The following AKAP6 variants were observed in gnomAD, a reference collection of about 807,000 sequenced individuals.
AKAP6 encodes the protein A-kinase anchor protein 6.
In AKAP6, 58 loss-of-function variants were observed where a neutral mutation model predicts 188.5. The ratio of observed to expected loss-of-function variants is 0.31; its 90% CI spans 0.25 to 0.38. The LOEUF (loss-of-function observed/expected upper bound fraction) is 0.38. Ranked by LOEUF, AKAP6 falls within the 10% of genes least tolerant of loss-of-function variation. AKAP6 has a pLI of 1.00. For synonymous variants in AKAP6, 989 were observed against 998.6 expected, an observed-to-expected ratio of 0.99 and a Z score of 0.18; for missense variants, 2,710 against 2,740.0, an observed-to-expected ratio of 0.99 and a Z score of 0.24.
At chr14:32,420,511 G>T (rs139844678) in intron 1 of AKAP6, among the ~76,000 whole-genome samples, 1 of 152,116 alleles carries the variant, frequency 6.6e-6, no homozygotes, top group African/African-American at 2.4e-5. Flanking sequence ...AGAGGAATAT[G>T]ATTTTTGTTC....
intron 9 of AKAP6, among the ~76,000 whole-genome samples, chr14:32,705,455 T>A (rs1464937602): frequency 2.0e-5 from 3 of 152,174 alleles, no homozygotes; most frequent in Non-Finnish European, 4.4e-5. Context: ...TGTATGTATA[T>A]GTGAGTGTGT....
intron 4 of AKAP6, among the ~76,000 whole-genome samples, chr14:32,549,506 G>C (rs1392535587): frequency 5.3e-5 from 8 of 152,130 alleles, no homozygotes; most frequent in Non-Finnish European, 1.2e-4. Flanking sequence ...TTTGTCATCA[G>C]AGATCAGTGA....
At chr14:32,743,497 G>A (rs1343080596) in intron 11 of AKAP6, among the ~76,000 whole-genome samples, 2 of 151,990 alleles carry the variant, frequency 1.3e-5, no homozygotes, top group Non-Finnish European at 2.9e-5. Flanking sequence ...CTGATGATAT[G>A]ATTTAGTTTC....
chr14:32,569,031 G>A (rs1884338193), intron 4 of AKAP6, among the ~76,000 whole-genome samples: 1 of 152,112 alleles, frequency 6.6e-6, no homozygotes. Flanking sequence ...ATAAGAGTTA[G>A]GAATCTTTCT....
intron 8 of AKAP6, among the ~76,000 whole-genome samples, chr14:32,683,054 C>T (rs185171684): frequency 1.3e-3 from 201 of 150,992 alleles, no homozygotes; most frequent in Middle Eastern, 6.8e-3. Context: ...AGTGCAGTGG[C>T]GTGATCTTGG....
Position 32,830,680 on chromosome 14 carries a change from T to A in AKAP6, c.*875T>A, listed in dbSNP as rs577010844. On this transcript the variant is annotated 3_prime_UTR_variant, in exon 14 of 14. Transcript: ENST00000280979. ...ATATATGTATAACCAAGTACAAACATTGATGTATAATGACAGTATAAAATG... is the reference window on the plus strand; with the variant it reads ...ATATATGTATAACCAAGTACAAACAATGATGTATAATGACAGTATAAAATG... 2 of 152,734 alleles carry A rather than the reference T, an allele frequency of 1.3e-5. No homozygotes were observed. Among genetic ancestry groups the A allele is most frequent in the African/African-American group, 4.8e-5 (2 of 41,574 alleles). 9.5% of individuals were successfully genotyped at this position (152,734 alleles called of 1,614,324 possible).
At chr14:32,787,066 G>T (rs961353467) in intron 12 of AKAP6, among the ~76,000 whole-genome samples, 1 of 152,174 alleles carries the variant, frequency 6.6e-6, no homozygotes, top group Non-Finnish European at 1.5e-5. Context: ...AACACCCAAA[G>T]GATTCAATTG....
At chr14:32,395,279 C>T (rs1221501458) in intron 1 of AKAP6, among the ~76,000 whole-genome samples, 1 of 152,100 alleles carries the variant, frequency 6.6e-6, no homozygotes, top group South Asian at 2.1e-4. Context: ...ACTTAGAGAA[C>T]CTGCTCTGAA....
intron 1 of AKAP6, among the ~76,000 whole-genome samples, chr14:32,332,222 G>T (rs1161294217): frequency 6.6e-6 from 1 of 152,064 alleles, no homozygotes; most frequent in Non-Finnish European, 1.5e-5. Context: ...TGGCTATGCA[G>T]CACACATGCT....
chr14:32,430,335 C>A (rs1890174367), intron 1 of AKAP6, among the ~76,000 whole-genome samples: 1 of 152,068 alleles, frequency 6.6e-6, no homozygotes, highest in South Asian at 2.1e-4. Flanking sequence ...GGATTTTGCC[C>A]CAAATCATAT....
intron 2 of AKAP6, among the ~76,000 whole-genome samples, chr14:32,480,227 G>A (rs1261900825): frequency 6.6e-6 from 1 of 152,158 alleles, no homozygotes; most frequent in Non-Finnish European, 1.5e-5. Context: ...AGAAGAAGCA[G>A]TTGAACAGTT....
At position 32,545,880 on chromosome 14, in the gene AKAP6, T is replaced by C; in HGVS notation, c.1227T>C (p.Gly409=). ...TTAAGAATGATCTGAAAGGCAATGG[T>C]GGAAAGAGGCAAATGGTTGATCTAA... ...ETFKNDLKGN[G]GKRQMVDLKP... is the part of the protein sequence containing the mutation. The change falls in exon 4 of 14, where the codon GGT becomes GGC. Residue 409 remains glycine (G), a synonymous_variant. Coordinates refer to ENST00000280979, the MANE Select transcript of AKAP6 (RefSeq NM_004274.5). 1 of 1,614,168 alleles carries C rather than the reference T, an allele frequency of 6.2e-7. No individual in the cohort carries two copies. Among genetic ancestry groups the C allele is most frequent in the Non-Finnish European group, 8.5e-7 (1 of 1,180,024 alleles).
At chr14:32,814,732 C>CTTT (rs975750095) in intron 12 of AKAP6, among the ~76,000 whole-genome samples, 1 of 152,020 alleles carries the variant, frequency 6.6e-6, no homozygotes, top group Non-Finnish European at 1.5e-5. Context: ...TCCTTTCTTT[C>CTTT]TTTTTTATTT....
chr14:32,812,630 T>G (rs1382643072), intron 12 of AKAP6, among the ~76,000 whole-genome samples: 1 of 152,130 alleles, frequency 6.6e-6, no homozygotes, highest in African/African-American at 2.4e-5. Context: ...ACATTCAGAG[T>G]TAGGTGGGAA....
chr14:32,411,330 T>G (rs1233939911), intron 1 of AKAP6, among the ~76,000 whole-genome samples: 1 of 152,182 alleles, frequency 6.6e-6, no homozygotes, highest in Non-Finnish European at 1.5e-5. Context: ...AGATATTTCC[T>G]TTAGATTTGA....
intron 12 of AKAP6, among the ~76,000 whole-genome samples, chr14:32,776,291 G>T (rs1262766032): frequency 2.6e-5 from 4 of 152,134 alleles, no homozygotes; most frequent in Admixed American, 6.5e-5. Context: ...AATCATGGGG[G>T]TGGTTTCCCC....
At chr14:32,420,907 A>ATT (rs1398816151) in intron 1 of AKAP6, among the ~76,000 whole-genome samples, 12 of 28,506 alleles carry the variant, frequency 4.2e-4, no homozygotes, top group African/African-American at 1.9e-3. Context: ...CAGGAGATTG[A>ATT]TTTGTGTGTG....
In AKAP6 at chr14:32,532,841, C is replaced by T. The variant is rs551850817; in HGVS notation, c.325-2713C>T. 3.9e-5 allele frequency among the ~76,000 whole-genome samples: 6 copies of T among 152,224 alleles called. No individual in the cohort carries two copies. In the South Asian group the frequency reaches 1.2e-3, roughly 32 times the overall value. Reference sequence around the variant, plus strand: ...TTGAACAGTGATAACTATAGATGCTCCCCATATCAGAGGCATACCCCATAG... The same window carrying T: ...TTGAACAGTGATAACTATAGATGCTTCCCATATCAGAGGCATACCCCATAG... On this transcript the variant is annotated intron_variant, in intron 2 of 13. Transcript: ENST00000280979.
At position 32,830,032 on chromosome 14, in the gene AKAP6, G is replaced by A. The variant is rs577096629; in HGVS notation, c.*227G>A. On this transcript the variant is annotated 3_prime_UTR_variant, in exon 14 of 14. Transcript: ENST00000280979. ...GTGCGCTGGTTCTCTTTAGGTGATC[G>A]TCTTTGAAGTTCAGCAAAGCTGCTT... 26 of 692,166 alleles carry A rather than the reference G, an allele frequency of 3.8e-5. No homozygotes were observed. Among genetic ancestry groups the A allele is most frequent in the Middle Eastern group, 2.3e-4 (1 of 4,330 alleles). The allele number at this position is 692,166 out of a possible 1,614,324, so 42.9% of individuals were successfully genotyped here. A position where few individuals can be genotyped will look rare whatever the true frequency, so the allele number is the denominator to read the frequency against.
Sources: allele counts gnomAD v4.1 joint callset (sites outside exome capture counted in the v4.1 genomes callset), GRCh38; gene constraint gnomAD v4.1.1; transcripts MANE v1.5; gene names NCBI Gene and HGNC (gene_info 2026-07-23, HGNC 2026-07-21).